Variants in KIAA2013 observed in about 807,000 individuals in gnomAD.
KIAA2013 encodes the protein uncharacterized protein KIAA2013.
Under a neutral mutation model 39.9 loss-of-function variants are expected in KIAA2013, and 20 were observed. That is an observed-to-expected ratio of 0.50 (90% CI 0.35 to 0.73). The LOEUF (loss-of-function observed/expected upper bound fraction) is 0.73, where lower values mean the gene tolerates loss of function less well. Among genes scored for constraint, KIAA2013 ranks in the 30% least tolerant of loss-of-function variants. KIAA2013 has a pLI of 0.01. For missense variants in KIAA2013, 587 were observed against 856.1 expected (o/e 0.69, Z 3.92); for synonymous variants, 336 against 416.6 (o/e 0.81, Z 2.35).
chr1:11,920,678 C>T (rs192952676), intron 2 of KIAA2013, among the ~76,000 whole-genome samples: 11 of 152,320 alleles, frequency 7.2e-5, no homozygotes, highest in East Asian at 3.9e-4. Context: ...GCCAAACAGA[C>T]GGCAAAACCC....
In KIAA2013 at chr1:11,925,969, G is replaced by A; in HGVS notation, c.269C>T (p.Pro90Leu). 2.6e-6 allele frequency: 4 copies of A among 1,541,476 alleles called. No homozygotes were observed. The highest frequency in any genetic ancestry group is 1.9e-5 in the Admixed American group (1 of 52,216). The change falls in exon 1 of 3, where the codon CCG (proline) becomes CTG (leucine). Residue 90 changes from proline to leucine, a missense_variant. Pro to Leu is a moderately conservative substitution (Grantham distance 98). Transcript: ENST00000376572. The surrounding 1 kb of genome is among the most constrained non-coding windows in gnomAD (Gnocchi z 5.2). Reference protein sequence around the residue: ...GEVVPLGPGVPALVANGFLAL... With the variant: ...GEVVPLGPGVLALVANGFLAL... ...CAGGAAGCCGTTGGCCACCAGGGCC[G>A]GCACTCCAGGACCCAGCGGTACCAC...
chr1:11,926,407 G>A lies in KIAA2013; in HGVS notation c.-170C>T, dbSNP rs1645508390. On this transcript the variant is annotated 5_prime_UTR_variant, in exon 1 of 3. Coordinates refer to ENST00000376572, the MANE Select transcript of KIAA2013 (RefSeq NM_138346.3). ...CCCCTGCTTCCTCCTTCTTCTCGGT[G>A]GCCTCCAGCCGTCAAACGACGCCGG... 1 of 165,344 alleles carries A rather than the reference G, an allele frequency of 6.0e-6. No individual in the cohort carries two copies. The allele number at this position is 165,344 out of a possible 1,614,324, so 10.2% of individuals were successfully genotyped here.
intron 2 of KIAA2013, among the ~76,000 whole-genome samples, chr1:11,921,619 G>A (rs1479412017): frequency 6.6e-6 from 1 of 151,418 alleles, no homozygotes; most frequent in Admixed American, 6.6e-5. Flanking sequence ...GCATGATCTC[G>A]GGTCACTGCA....
intron 1 of KIAA2013, among the ~76,000 whole-genome samples, chr1:11,924,139 A>G (rs1333599876): frequency 6.6e-6 from 1 of 152,100 alleles, no homozygotes; most frequent in African/African-American, 2.4e-5. Flanking sequence ...ATTTAAAAAC[A>G]TACACACACA....
At chr1:11,921,217 G>A (rs1402617213) in intron 2 of KIAA2013, among the ~76,000 whole-genome samples, 3 of 152,154 alleles carry the variant, frequency 2.0e-5, no homozygotes, top group African/African-American at 7.2e-5. Flanking sequence ...AAGGCCGGGC[G>A]GCAGGGCACA....
At chr1:11,920,436 C>A in intron 2 of KIAA2013, 104 bp from the exon 3 acceptor site, 1 of 1,189,902 alleles carries the variant, frequency 8.4e-7, no homozygotes, top group Non-Finnish European at 1.3e-6. Flanking sequence ...CACACCCTGG[C>A]TCTGACCCAG....
rs1433831258 is a variant in KIAA2013, at chr1:11,921,516, G to A, written c.1887+1120C>T. On this transcript the variant is annotated intron_variant, in intron 2 of 2. Transcript: ENST00000376572. Reference sequence around the variant, plus strand: ...CAAGTCAATCTAGGGGCTTGTTGCAGTTATTTTTATTTTATTATTATTATT... The same window carrying A: ...CAAGTCAATCTAGGGGCTTGTTGCAATTATTTTTATTTTATTATTATTATT... Among the ~76,000 whole-genome samples the A allele has an allele frequency of 1.3e-4, 19 of 151,890 alleles. 1 individual carries two copies. In the South Asian group the frequency reaches 4.0e-3, roughly 32 times the overall value.
intron 2 of KIAA2013, chr1:11,922,146 C>A (rs1370552198): frequency 5.6e-6 from 1 of 180,136 alleles, no homozygotes; most frequent in African/African-American, 2.5e-5. Flanking sequence ...CCAGGCCCTG[C>A]CTCTAATTTT....
In KIAA2013 at chr1:11,923,014, G is replaced by A. The variant is rs549200164; in HGVS notation, c.1509C>T (p.Gly503=). 38 of 1,611,462 alleles carry A rather than the reference G, an allele frequency of 2.4e-5. No homozygotes were observed. The South Asian group carries it at 4.1e-4, about 17-fold the overall frequency. ...INLAVLADAE[G]KPYLHVSVES... is the part of the protein sequence containing the mutation. ...CCACGGACACGTGTAGGTAGGGCTT[G>A]CCCTCGGCATCCGCCAGCACGGCCA... The change falls in exon 2 of 3, where the codon GGC becomes GGT. Residue 503 remains glycine, a synonymous_variant. Coordinates refer to ENST00000376572, the MANE Select transcript of KIAA2013 (RefSeq NM_138346.3). This position sits in a 1 kb window ranked among gnomAD's most constrained non-coding sequence, Gnocchi z 4.6.
At chr1:11,921,086 A>G (rs919741265) in intron 2 of KIAA2013, among the ~76,000 whole-genome samples, 5 of 149,676 alleles carry the variant, frequency 3.3e-5, no homozygotes, top group East Asian at 1.9e-4. Flanking sequence ...AGGAGACGGG[A>G]TACAGGAGGA....
At position 11,923,961 on chromosome 1, in the gene KIAA2013, G is replaced by A. The variant is rs572666252; in HGVS notation, c.1034-472C>T. Among the ~76,000 whole-genome samples, 3 of 152,180 alleles carry A rather than the reference G, an allele frequency of 2.0e-5. No individual in the cohort carries two copies. In the East Asian group the frequency reaches 5.8e-4, roughly 29 times the overall value. On this transcript the variant is annotated intron_variant, in intron 1 of 2. Transcript: ENST00000376572. This position sits in a 1 kb window ranked among gnomAD's most constrained non-coding sequence, Gnocchi z 4.6. ...ACGATCTCAGGTTACTACAGCCTCC[G>A]CCTCCCGGGTTCAAGTGATTCTCCC...
In KIAA2013 at chr1:11,923,230, C is replaced by T. The variant is rs751387511; in HGVS notation, c.1293G>A (p.Arg431=). Residue 431 remains arginine, a synonymous_variant, in exon 2 of 3, where the codon AGG becomes AGA. Coordinates refer to ENST00000376572, the MANE Select transcript of KIAA2013 (RefSeq NM_138346.3). This position sits in a 1 kb window ranked among gnomAD's most constrained non-coding sequence, Gnocchi z 4.6. Reference sequence around the variant, plus strand: ...TGCAGCCACGCTTCTGGAGGGTCAGCCTCCACAGGTCAGAGAGCTGCAGGA... The same window carrying T: ...TGCAGCCACGCTTCTGGAGGGTCAGTCTCCACAGGTCAGAGAGCTGCAGGA... ...QQILQLSDLW[R]LTLQKRGCKG... 1 of 1,613,722 alleles carries T rather than the reference C, an allele frequency of 6.2e-7. No individual in the cohort carries two copies. The highest frequency in any genetic ancestry group is 1.1e-5 in the South Asian group (1 of 91,046).
chr1:11,921,286 T>C lies in KIAA2013; in HGVS notation c.1888-954A>G, dbSNP rs573179060. On this transcript the variant is annotated intron_variant, in intron 2 of 2. Coordinates refer to ENST00000376572, the MANE Select transcript of KIAA2013 (RefSeq NM_138346.3). ...TGCTAAGATGCTGCCCCGATGACAGTCTTGCAGCAATGATGGCCAAAATCA... is the reference window on the plus strand; with the variant it reads ...TGCTAAGATGCTGCCCCGATGACAGCCTTGCAGCAATGATGGCCAAAATCA... Among the ~76,000 whole-genome samples, 6 of 152,260 alleles carry C rather than the reference T, an allele frequency of 3.9e-5. 1 individual carries two copies. Among genetic ancestry groups the C allele is most frequent in the Admixed American group, 3.9e-4 (6 of 15,290 alleles).
Position 11,920,197 on chromosome 1 carries a change from TCCC to T in KIAA2013, c.*115_*117del. 9.3e-7 allele frequency: 1 copy of T among 1,078,260 alleles called. No homozygotes were observed. Among genetic ancestry groups the T allele is most frequent in the South Asian group, 1.3e-5 (1 of 79,710 alleles). The allele number at this position is 1,078,260 out of a possible 1,614,324, so 66.8% of individuals were successfully genotyped here. On this transcript the variant is annotated 3_prime_UTR_variant, in exon 3 of 3. Transcript: ENST00000376572. The stretch of plus-strand genomic sequence containing the variant: ...CACACTCACTTCTGCGTCACCGGTT[TCCC>T]CCAACAAGGCACAAAGGGCGGGTGC...
At position 11,923,350 on chromosome 1, in the gene KIAA2013, C is replaced by T; in HGVS notation, c.1173G>A (p.Glu391=). The change falls in exon 2 of 3, where the codon GAG becomes GAA. Residue 391 remains glutamate (E), a synonymous_variant. Coordinates refer to ENST00000376572, the MANE Select transcript of KIAA2013 (RefSeq NM_138346.3). The surrounding 1 kb of genome is among the most constrained non-coding windows in gnomAD (Gnocchi z 4.6). ...SLSHRERDQM[E]STLNYEDHCF... ...AGTGATCTTCATAGTTGAGCGTCGA[C>T]TCCATCTGGTCTCGCTCCCTGTGGC... is the stretch of plus-strand genomic sequence containing the variant. 1 of 1,613,680 alleles carries T rather than the reference C, an allele frequency of 6.2e-7. No individual in the cohort carries two copies. Among genetic ancestry groups the T allele is most frequent in the South Asian group, 1.1e-5 (1 of 91,078 alleles).
At chr1:11,921,387 G>A (rs1341584813) in intron 2 of KIAA2013, among the ~76,000 whole-genome samples, 1 of 152,102 alleles carries the variant, frequency 6.6e-6, no homozygotes, top group African/African-American at 2.4e-5. Flanking sequence ...TAACGAGATG[G>A]CCACTCTGGT....
chr1:11,922,660 T>C lies in KIAA2013; in HGVS notation c.1863A>G (p.Gly621=), dbSNP rs762987100. The C allele has an allele frequency of 2.5e-6, 4 of 1,613,438 alleles. No individual in the cohort carries two copies. The highest frequency in any genetic ancestry group is 3.4e-6 in the Non-Finnish European group (4 of 1,179,866). ...KLIYNEYCGP[G]AKPLFRSKED... is the part of the protein sequence containing the mutation. ...CCTTACTCCTGAAGAGGGGCTTGGC[T>C]CCAGGCCCACAGTACTCGTTGTAGA... Residue 621 remains glycine, a synonymous_variant, in exon 2 of 3, where the codon GGA becomes GGG. Coordinates refer to ENST00000376572, the MANE Select transcript of KIAA2013 (RefSeq NM_138346.3).
Position 11,923,034 on chromosome 1 carries a change from C to T in KIAA2013, c.1489G>A (p.Val497Met), listed in dbSNP as rs61776478. The T allele has an allele frequency of 5.1e-3, 8,226 of 1,611,154 alleles. 50 individuals carry two copies. The highest frequency in any genetic ancestry group is 5.6e-3 in the Non-Finnish European group (6,625 of 1,177,564). The change falls in exon 2 of 3, where the codon GTG becomes ATG. Residue 497 changes from valine to methionine, a missense_variant. Transcript: ENST00000376572. This position sits in a 1 kb window ranked among gnomAD's most constrained non-coding sequence, Gnocchi z 4.6. ...RYKNDHINLA[V>M]LADAEGKPYL... ...GGCTTGCCCTCGGCATCCGCCAGCA[C>T]GGCCAGGTTGATATGGTCGTTCTTG...
intron 2 of KIAA2013, among the ~76,000 whole-genome samples, chr1:11,921,878 C>T (rs1400725033): frequency 1.3e-5 from 2 of 152,154 alleles, no homozygotes; most frequent in South Asian, 4.1e-4. Context: ...GACAGGGTCT[C>T]ACTCTGTCAC....
Sources: gnomAD v4.1 joint callset for allele counts (sites outside exome capture counted in the v4.1 genomes callset) on GRCh38, gnomAD v4.1.1 for gene constraint, Gnocchi (gnomAD v3.1) non-coding constraint, MANE v1.5 for transcripts, NCBI Gene and HGNC (gene_info 2026-07-23, HGNC 2026-07-21) for gene names.